The following PXDNL variants were observed in gnomAD, a reference collection of about 807,000 sequenced individuals.
PXDNL encodes peroxidasin like, also known as probable oxidoreductase PXDNL.
PXDNL carries 145 observed loss-of-function variants against 150.8 expected under a neutral mutation model. The observed-to-expected ratio is 0.96, with a 90% CI of 0.84 to 1.10. The LOEUF is 1.10. Among genes scored for constraint, PXDNL ranks in the 50% least tolerant of loss-of-function variants. PXDNL has a pLI of 0.00. For missense variants in PXDNL, 2,087 were observed against 1,873.9 expected, an observed-to-expected ratio of 1.11 and a Z score of -2.10; for synonymous variants, 757 against 725.7, an observed-to-expected ratio of 1.04 and a Z score of -0.69.
chr8:51,627,325 T>A (rs1241763841), intron 2 of PXDNL, among the ~76,000 whole-genome samples: 4 of 152,124 alleles, frequency 2.6e-5, no homozygotes, highest in African/African-American at 9.7e-5. Flanking sequence ...CAGGTGAGAT[T>A]TAATAGGAAG....
chr8:51,396,087 G>C (rs1808073348), intron 17 of PXDNL, among the ~76,000 whole-genome samples: 1 of 152,244 alleles, frequency 6.6e-6, no homozygotes, highest in Admixed American at 6.5e-5. Flanking sequence ...CGGTTCTATA[G>C]ATCGGCAATA....
At chr8:51,678,575 G>A (rs933455740) in intron 1 of PXDNL, among the ~76,000 whole-genome samples, 4 of 149,962 alleles carry the variant, frequency 2.7e-5, no homozygotes, top group African/African-American at 1.0e-4. Context: ...TAGGGACATG[G>A]ATGAAATTGG....
intron 1 of PXDNL, among the ~76,000 whole-genome samples, chr8:51,658,009 A>G (rs1448207970): frequency 1.3e-5 from 2 of 152,146 alleles, no homozygotes; most frequent in African/African-American, 2.4e-5. Context: ...TATTCTCACC[A>G]GTGAGGCATG....
chr8:51,507,776 C>T (rs545270837), intron 4 of PXDNL, among the ~76,000 whole-genome samples: 84 of 152,214 alleles, frequency 5.5e-4, no homozygotes, highest in Non-Finnish European at 1.1e-3. Flanking sequence ...AGTGGTGGTG[C>T]TACTAGCCTC....
At chr8:51,478,279 T>G (rs1303035411) in intron 6 of PXDNL, among the ~76,000 whole-genome samples, 1 of 152,264 alleles carries the variant, frequency 6.6e-6, no homozygotes, top group East Asian at 1.9e-4. Context: ...GAAAGTACTC[T>G]TACATCAAAT....
chr8:51,328,575 A>G (rs979689264), intron 21 of PXDNL, among the ~76,000 whole-genome samples: 2 of 152,226 alleles, frequency 1.3e-5, no homozygotes, highest in Admixed American at 6.5e-5. Context: ...TATCACACTC[A>G]AGGTGGCAGG....
chr8:51,362,809 A>G (rs1381480259), intron 19 of PXDNL, among the ~76,000 whole-genome samples: 2 of 152,208 alleles, frequency 1.3e-5, no homozygotes, highest in Non-Finnish European at 2.9e-5. Flanking sequence ...GAAAACTAGA[A>G]GATCTGCTTC....
At chr8:51,539,262 A>T (rs148996743) in intron 4 of PXDNL, among the ~76,000 whole-genome samples, 3 of 152,054 alleles carry the variant, frequency 2.0e-5, no homozygotes, top group African/African-American at 7.2e-5. Flanking sequence ...AATATAATAA[A>T]TTACATTTTT....
intron 1 of PXDNL, among the ~76,000 whole-genome samples, chr8:51,768,407 C>T (rs887586382): frequency 4.6e-4 from 70 of 152,088 alleles, no homozygotes; most frequent in African/African-American, 1.6e-3. Flanking sequence ...TTTATATGAA[C>T]AGAGTTTTAT....
intron 3 of PXDNL, among the ~76,000 whole-genome samples, chr8:51,575,767 T>C (rs1194902016): frequency 6.6e-6 from 1 of 151,898 alleles, no homozygotes; most frequent in Non-Finnish European, 1.5e-5. Context: ...ACTAGCTGTA[T>C]GCTGTCTATA....
intron 1 of PXDNL, among the ~76,000 whole-genome samples, chr8:51,702,014 T>C (rs79232514): frequency 0.079 from 12,016 of 152,288 alleles, 695 homozygotes; most frequent in African/African-American, 0.17. Context: ...ACTGTATTAA[T>C]TAAAAATTAC....
intron 4 of PXDNL, among the ~76,000 whole-genome samples, chr8:51,502,471 T>A (rs1811207025): frequency 6.6e-6 from 1 of 152,162 alleles, no homozygotes; most frequent in Admixed American, 6.5e-5. Flanking sequence ...CTGTTCTCAG[T>A]TTGCCTACAT....
chr8:51,580,981 C>T (rs985431414), intron 3 of PXDNL, among the ~76,000 whole-genome samples: 5 of 152,104 alleles, frequency 3.3e-5, no homozygotes, highest in Admixed American at 6.6e-5. Flanking sequence ...CCTCTCTTTT[C>T]GCAAACCTGA....
At chr8:51,438,467 C>T (rs1167863899) in intron 12 of PXDNL, among the ~76,000 whole-genome samples, 3 of 152,116 alleles carry the variant, frequency 2.0e-5, no homozygotes, top group Non-Finnish European at 4.4e-5. Context: ...AAAATAGGCA[C>T]ATATTTGGGA....
intron 1 of PXDNL, among the ~76,000 whole-genome samples, chr8:51,721,051 G>C (rs1246920115): frequency 2.6e-5 from 4 of 152,214 alleles, no homozygotes; most frequent in African/African-American, 9.6e-5. Flanking sequence ...AGAGGCTGCA[G>C]AGCCCGTGAA....
At chr8:51,364,099 T>C (rs552157418) in intron 19 of PXDNL, among the ~76,000 whole-genome samples, 2 of 152,364 alleles carry the variant, frequency 1.3e-5, no homozygotes, top group Admixed American at 6.5e-5. Flanking sequence ...CACAGTCTCA[T>C]GTATCTTCCA....
At chr8:51,692,038 A>G (rs988948454) in intron 1 of PXDNL, among the ~76,000 whole-genome samples, 1 of 152,238 alleles carries the variant, frequency 6.6e-6, no homozygotes, top group African/African-American at 2.4e-5. Flanking sequence ...TGTTGCAAGT[A>G]GCAGCAAGGG....
chr8:51,487,082 C>T (rs903385877), intron 5 of PXDNL, among the ~76,000 whole-genome samples: 2 of 151,694 alleles, frequency 1.3e-5, no homozygotes, highest in African/African-American at 4.8e-5. Flanking sequence ...AGGGAGCCAC[C>T]GCACCCGGCC....
chr8:51,413,307 T>A, intron 14 of PXDNL, 49 bp from the exon 15 acceptor site: 1 of 1,130,130 alleles, frequency 8.8e-7, no homozygotes, highest in Non-Finnish European at 1.3e-6. Context: ...ACCTTGAAGT[T>A]AGGCATGATA....
Sources: allele counts gnomAD v4.1 joint callset (sites outside exome capture counted in the v4.1 genomes callset), GRCh38; gene constraint gnomAD v4.1.1; transcripts MANE v1.5; gene names NCBI Gene and HGNC (gene_info 2026-07-23, HGNC 2026-07-21).